The following FGGY variants were observed in gnomAD, a reference collection of about 807,000 sequenced individuals.
FGGY encodes the protein FGGY carbohydrate kinase domain-containing protein.
Under a neutral mutation model 71.3 loss-of-function variants are expected in FGGY, and 72 were observed. That is an observed-to-expected ratio of 1.01 (90% confidence interval 0.84 to 1.23). The LOEUF is 1.23. Ranked by LOEUF, FGGY falls within the 50% of genes most tolerant of loss-of-function variation. The pLI is 0.00. For synonymous variants in FGGY, 251 were observed against 250.3 expected, an observed-to-expected ratio of 1.00 and a Z score of -0.02; for missense variants, 668 against 682.3, an observed-to-expected ratio of 0.98 and a Z score of 0.23.
chr1:59,543,455 G>T lies in FGGY; in HGVS notation c.800-10669G>T, dbSNP rs546572476. On this transcript the variant is annotated intron_variant, in intron 7 of 15. Coordinates refer to ENST00000303721, the MANE Select transcript of FGGY (RefSeq NM_018291.5). ...CAAGGATAAATTAATCAGTCTAGAG[G>T]TGGGAGAGCCCTCTAACCCTCCCCA... Among the ~76,000 whole-genome samples the T allele has an allele frequency of 1.4e-4, 22 of 152,320 alleles. No homozygotes were observed. The South Asian group carries it at 4.1e-3, about 29-fold the overall frequency.
chr1:59,756,914 T>TTTC (rs2098296448), intron 14 of FGGY, among the ~76,000 whole-genome samples: 1 of 151,530 alleles, frequency 6.6e-6, no homozygotes, highest in African/African-American at 2.4e-5. Context: ...TTTTTTTTTT[T>TTTC]ACATTTTTTC....
intron 5 of FGGY, among the ~76,000 whole-genome samples, chr1:59,448,913 G>A (rs534459996): frequency 2.6e-5 from 4 of 152,148 alleles, no homozygotes; most frequent in Non-Finnish European, 5.9e-5. Flanking sequence ...CACGGTTCTG[G>A]ACTCCTTTAG....
intron 11 of FGGY, among the ~76,000 whole-genome samples, chr1:59,647,515 C>T (rs1467808007): frequency 6.6e-6 from 1 of 152,154 alleles, no homozygotes; most frequent in African/African-American, 2.4e-5. Flanking sequence ...GTTGGTTCTA[C>T]TGGTTCCTCC....
intron 6 of FGGY, among the ~76,000 whole-genome samples, chr1:59,464,637 G>T (rs2092490690): frequency 6.6e-6 from 1 of 151,972 alleles, no homozygotes; most frequent in Non-Finnish European, 1.5e-5. Context: ...GACTAATAAA[G>T]AAGAAGACAG....
At chr1:59,429,427 T>C (rs984156344) in intron 5 of FGGY, among the ~76,000 whole-genome samples, 2 of 152,216 alleles carry the variant, frequency 1.3e-5, no homozygotes, top group African/African-American at 4.8e-5. Context: ...CTCAATTCAT[T>C]TGGTGCTATT....
intron 7 of FGGY, among the ~76,000 whole-genome samples, chr1:59,518,772 G>A (rs1452381469): frequency 5.9e-5 from 9 of 152,274 alleles, no homozygotes; most frequent in African/African-American, 2.2e-4. Flanking sequence ...CAGAAGCCGA[G>A]CAGACACCAT....
intron 11 of FGGY, among the ~76,000 whole-genome samples, chr1:59,643,167 T>A (rs1036981926): frequency 1.3e-5 from 2 of 152,166 alleles, no homozygotes; most frequent in Admixed American, 1.3e-4. Flanking sequence ...TTGTGGTATA[T>A]TCAATGGAAT....
At chr1:59,314,276 T>A (rs1317970017) in intron 1 of FGGY, among the ~76,000 whole-genome samples, 1 of 152,180 alleles carries the variant, frequency 6.6e-6, no homozygotes, top group African/African-American at 2.4e-5. Context: ...AATAAAAAAA[T>A]TTTTTTAAAA....
At position 59,588,867 on chromosome 1, in the gene FGGY, G is replaced by A. The variant is rs540663511; in HGVS notation, c.904-18936G>A. 7.9e-5 allele frequency among the ~76,000 whole-genome samples: 12 copies of A among 152,216 alleles called. No homozygotes were observed. The South Asian group carries it at 2.1e-3, about 26-fold the overall frequency. Reference sequence around the variant, plus strand: ...ACTGTAAAGACCATCGAGGCTAGGAGGAAACTGCATCAACTAACGAGCAAT... The same window carrying A: ...ACTGTAAAGACCATCGAGGCTAGGAAGAAACTGCATCAACTAACGAGCAAT... On this transcript the variant is annotated intron_variant, in intron 8 of 15. Coordinates refer to ENST00000303721, the MANE Select transcript of FGGY (RefSeq NM_018291.5).
chr1:59,355,090 A>G (rs984036312), intron 4 of FGGY, among the ~76,000 whole-genome samples: 1 of 152,238 alleles, frequency 6.6e-6, no homozygotes, highest in Non-Finnish European at 1.5e-5. Context: ...TTCCAAGATC[A>G]GTGGGAAATG....
chr1:59,457,273 A>G (rs971101498), intron 6 of FGGY, among the ~76,000 whole-genome samples, 197 bp downstream of exon 6: 10 of 152,138 alleles, frequency 6.6e-5, no homozygotes, highest in Non-Finnish European at 1.3e-4. Flanking sequence ...ATTTATATGA[A>G]CTGAGTAGAG....
chr1:59,580,114 C>T (rs780482267), intron 8 of FGGY, among the ~76,000 whole-genome samples: 3 of 152,164 alleles, frequency 2.0e-5, no homozygotes, highest in Non-Finnish European at 4.4e-5. Flanking sequence ...ATCCAGACCA[C>T]CCTATATTAA....
chr1:59,424,389 A>G (rs1441151633), intron 5 of FGGY, among the ~76,000 whole-genome samples: 1 of 152,140 alleles, frequency 6.6e-6, no homozygotes, highest in East Asian at 1.9e-4. Flanking sequence ...TCTATTAAAA[A>G]TACAAAAATT....
intron 4 of FGGY, among the ~76,000 whole-genome samples, chr1:59,370,883 A>C (rs1384866400): frequency 4.6e-5 from 7 of 152,160 alleles, no homozygotes; most frequent in African/African-American, 1.7e-4. Context: ...ACCAGGTCGG[A>C]CCTAAAATAG....
At chr1:59,731,437 C>G (rs921055043) in intron 14 of FGGY, among the ~76,000 whole-genome samples, 1 of 152,076 alleles carries the variant, frequency 6.6e-6, no homozygotes. Context: ...AAGCATGAAC[C>G]GAGATGAAGG....
intron 5 of FGGY, among the ~76,000 whole-genome samples, chr1:59,445,105 A>T (rs79024056): frequency 0.012 from 1,811 of 152,288 alleles, 32 homozygotes; most frequent in African/African-American, 0.041. Flanking sequence ...TGCCTGGTAC[A>T]TAGTAAGAGC....
chr1:59,575,819 AT>A lies in FGGY; in HGVS notation c.903+21597del, dbSNP rs954811769. 1.5e-4 allele frequency among the ~76,000 whole-genome samples: 23 copies of A among 152,168 alleles called. 1 individual carries two copies. The highest frequency in any genetic ancestry group is 4.4e-5 in the Non-Finnish European group (3 of 68,028). On this transcript the variant is annotated intron_variant, in intron 8 of 15. Coordinates refer to ENST00000303721, the MANE Select transcript of FGGY (RefSeq NM_018291.5). ...TGCATGCATTATAAATGTTACAGTA[AT>A]TTTTAGGTACAACACTAAATATTCT... is the stretch of plus-strand genomic sequence containing the variant.
intron 7 of FGGY, among the ~76,000 whole-genome samples, chr1:59,544,954 T>G (rs1030266083): frequency 6.6e-6 from 1 of 152,196 alleles, no homozygotes; most frequent in Non-Finnish European, 1.5e-5. Flanking sequence ...TACCTCCCCA[T>G]CTTCCTTCCC....
At chr1:59,604,884 C>T (rs1005041869) in intron 8 of FGGY, among the ~76,000 whole-genome samples, 1 of 152,134 alleles carries the variant, frequency 6.6e-6, no homozygotes, top group Non-Finnish European at 1.5e-5. Context: ...ATATGGACTG[C>T]CTCATTCATC....
Sources: allele counts gnomAD v4.1 joint callset (sites outside exome capture counted in the v4.1 genomes callset), GRCh38; gene constraint gnomAD v4.1.1; transcripts MANE v1.5; gene names NCBI Gene and HGNC (gene_info 2026-07-23, HGNC 2026-07-21).